Variants in ANLN observed in about 807,000 individuals in gnomAD.
ANLN encodes anillin.
ANLN carries 59 observed loss-of-function variants against 135.1 expected under a neutral mutation model. The ratio of observed to expected loss-of-function variants is 0.44; its 90% CI spans 0.35 to 0.54. ANLN has a LOEUF of 0.54. ANLN is among the 20% of genes least tolerant of loss of function. ANLN has a pLI of 0.00. For missense variants in ANLN, 1,182 were observed against 1,340.0 expected (o/e 0.88, Z 1.84); for synonymous variants, 406 against 456.4 (o/e 0.89, Z 1.41).
At position 36,442,482 on chromosome 7, in the gene ANLN, C is replaced by T. The variant is rs113372237; in HGVS notation, c.2971-1273C>T. The stretch of plus-strand genomic sequence containing the variant: ...TGAGCTGAGTAGCTGTGGCAGGGAC[C>T]GTATGGCCCAAAGTCTAAAATATTT... On this transcript the variant is annotated intron_variant, in intron 21 of 23. Transcript: ENST00000265748. Among the ~76,000 whole-genome samples, 177 of 152,224 alleles carry T rather than the reference C, an allele frequency of 1.2e-3. 3 individuals are homozygous for T. Among genetic ancestry groups the T allele is most frequent in the African/African-American group, 4.0e-3 (166 of 41,534 alleles).
chr7:36,429,839 CAAATTA>C (rs772433466), intron 20 of ANLN, among the ~76,000 whole-genome samples: 7 of 152,226 alleles, frequency 4.6e-5, no homozygotes, highest in Middle Eastern at 3.4e-3. Context: ...GTCACATTTA[CAAATTA>C]AAATTAAATT....
intron 3 of ANLN, among the ~76,000 whole-genome samples, chr7:36,402,700 A>G (rs1787006471): frequency 6.6e-6 from 1 of 152,104 alleles, no homozygotes; most frequent in Non-Finnish European, 1.5e-5. Flanking sequence ...CTACTTATAC[A>G]CACACTCTGC....
chr7:36,389,867 C>A lies in ANLN; in HGVS notation c.-160C>A. ...TTTGAACGGCTGCAGAGGCCGAGTC[C>A]GTCACTGGAAGCCGAGAGGAGAGGA... On this transcript the variant is annotated 5_prime_UTR_variant, in exon 1 of 24. Transcript: ENST00000265748. The A allele has an allele frequency of 7.6e-7, 1 of 1,315,650 alleles. No individual in the cohort carries two copies. The highest frequency in any genetic ancestry group is 1.9e-5 in the Admixed American group (1 of 53,122). The allele number at this position is 1,315,650 out of a possible 1,614,324, so 81.5% of individuals were successfully genotyped here.
At chr7:36,418,699 G>A (rs1787746983) in intron 9 of ANLN, among the ~76,000 whole-genome samples, 1 of 151,186 alleles carries the variant, frequency 6.6e-6, no homozygotes, top group Non-Finnish European at 1.5e-5. Flanking sequence ...TAAACCCAAG[G>A]TATTGAATCA....
intron 2 of ANLN, among the ~76,000 whole-genome samples, chr7:36,398,220 A>G (rs16879369): frequency 0.12 from 18,612 of 150,960 alleles, 1,186 homozygotes; most frequent in East Asian, 0.19. Flanking sequence ...ATAGGTGTTC[A>G]TAGAAGCTTG....
At chr7:36,417,043 T>C (rs1583619792) in intron 8 of ANLN, 37 bp from the exon 9 acceptor site, 1 of 1,121,872 alleles carries the variant, frequency 8.9e-7, no homozygotes, top group East Asian at 2.5e-5. Flanking sequence ...TATAGGTTCT[T>C]ATATATATTA....
At chr7:36,425,155 T>C (rs1422581925) in intron 17 of ANLN, among the ~76,000 whole-genome samples, 1 of 139,472 alleles carries the variant, frequency 7.2e-6, no homozygotes, top group Non-Finnish European at 1.6e-5. Context: ...TTTTAAAAAC[T>C]TTTTTTTTTT....
intron 22 of ANLN, among the ~76,000 whole-genome samples, chr7:36,445,072 C>G (rs763994489): frequency 6.6e-6 from 1 of 151,372 alleles, no homozygotes; most frequent in Non-Finnish European, 1.5e-5. Flanking sequence ...GTTTATTGTT[C>G]CCATGCACTT....
intron 1 of ANLN, chr7:36,390,361 G>T (rs570832214): frequency 2.7e-5 from 11 of 409,296 alleles, no homozygotes; most frequent in African/African-American, 2.2e-4. Flanking sequence ...CAAGAGTGAG[G>T]CGCAGGCCTG....
At chr7:36,451,160 T>C (rs1789226923) in intron 23 of ANLN, among the ~76,000 whole-genome samples, 1 of 152,268 alleles carries the variant, frequency 6.6e-6, no homozygotes, top group Admixed American at 6.5e-5. Context: ...TCTGCAGTTC[T>C]GCATTCTCCT....
At chr7:36,404,685 C>T (rs986158013) in intron 3 of ANLN, among the ~76,000 whole-genome samples, 1 of 152,158 alleles carries the variant, frequency 6.6e-6, no homozygotes, top group African/African-American at 2.4e-5. Context: ...ATCTGAATTG[C>T]CAGCACCACT....
rs1583625084 is a variant in ANLN at position 36,420,627 on chromosome 7, A to G, written c.2046A>G (p.Lys682=). 3 of 1,613,602 alleles carry G rather than the reference A, an allele frequency of 1.9e-6. No individual in the cohort carries two copies. The highest frequency in any genetic ancestry group is 1.7e-4 in the Middle Eastern group (1 of 6,058). The change falls in exon 12 of 24, where the codon AAA becomes AAG. Residue 682 remains lysine, a synonymous_variant. Coordinates refer to ENST00000265748, the MANE Select transcript of ANLN (RefSeq NM_018685.5). ...SIDAYRSQRF[K]ETERPSIKQV... ...ATGCATATAGATCTCAAAGATTCAA[A>G]GAAACAGAACGTCCATCAATAAAGC...
chr7:36,434,086 G>A (rs1788431322), intron 20 of ANLN, among the ~76,000 whole-genome samples: 1 of 151,978 alleles, frequency 6.6e-6, no homozygotes, highest in South Asian at 2.1e-4. Context: ...TTTAACTGTA[G>A]GCCAGATATT....
At chr7:36,443,947 C>G (rs1776547116) in intron 22 of ANLN, 85 bp downstream of exon 22, 1 of 887,194 alleles carries the variant, frequency 1.1e-6, no homozygotes, top group Admixed American at 2.6e-5. Flanking sequence ...TGGCCCCCAT[C>G]ACTCACCCAA....
At chr7:36,443,493 T>C (rs2116799723) in intron 21 of ANLN, among the ~76,000 whole-genome samples, 1 of 152,322 alleles carries the variant, frequency 6.6e-6, no homozygotes. Context: ...TTTTTAAAAG[T>C]CTTAAAGTAG....
intron 17 of ANLN, 121 bp from the exon 18 acceptor site, chr7:36,425,581 A>T (rs1788046700): frequency 3.3e-6 from 2 of 606,790 alleles, no homozygotes; most frequent in Non-Finnish European, 5.2e-6. Flanking sequence ...GGCGTGAGCC[A>T]CTGCTCCCGG....
At chr7:36,429,823 CA>C (rs1788240682) in intron 20 of ANLN, among the ~76,000 whole-genome samples, 1 of 152,088 alleles carries the variant, frequency 6.6e-6, no homozygotes, top group South Asian at 2.1e-4. Context: ...CATTTTGAAT[CA>C]AAATGTCACA....
intron 7 of ANLN, among the ~76,000 whole-genome samples, chr7:36,415,494 C>T (rs1438414645): frequency 6.6e-6 from 1 of 151,788 alleles, no homozygotes; most frequent in Non-Finnish European, 1.5e-5. Flanking sequence ...TAAAACTGAG[C>T]CCTGATATGA....
intron 22 of ANLN, 78 bp downstream of exon 22, chr7:36,443,940 C>A: frequency 3.2e-6 from 3 of 946,472 alleles, no homozygotes; most frequent in South Asian, 1.7e-5. Flanking sequence ...TTCCCTCTGG[C>A]CCCCATCACT....
Sources: gnomAD v4.1 joint callset for allele counts (sites outside exome capture counted in the v4.1 genomes callset) on GRCh38, gnomAD v4.1.1 for gene constraint, MANE v1.5 for transcripts, NCBI Gene and HGNC (gene_info 2026-07-23, HGNC 2026-07-21) for gene names.